GRAMD4: variants seen among roughly 807,000 people sequenced by gnomAD.
GRAMD4 encodes the protein GRAM domain-containing protein 4.
In GRAMD4, 25 loss-of-function variants were observed where a neutral mutation model predicts 83.9. That is an observed-to-expected ratio of 0.30 (90% CI 0.22 to 0.42). GRAMD4 has a LOEUF of 0.42. Among genes scored for constraint, GRAMD4 ranks in the 10% least tolerant of loss-of-function variants. The pLI is 1.00. For synonymous variants in GRAMD4, 336 were observed against 320.9 expected (o/e 1.05, Z -0.50); for missense variants, 593 against 788.7 (o/e 0.75, Z 2.97).
chr22:46,616,597 T>C (rs1439801735), upstream of GRAMD4, among the ~76,000 whole-genome samples: 8 of 133,326 alleles, frequency 6.0e-5, no homozygotes, highest in East Asian at 5.2e-4. Flanking sequence ...CAGGTTCCCC[T>C]GTGTGTAGGT....
rs936949228 is a variant in GRAMD4 at position 46,622,784 on chromosome 22, T to C, written c.-50+2219T>C. On this transcript the variant is annotated intron_variant, in intron 1 of 18. Coordinates refer to ENST00000406902, the MANE Select transcript of GRAMD4 (RefSeq NM_015124.5). This position sits in a 1 kb window ranked among gnomAD's most constrained non-coding sequence, Gnocchi z 4.0. ...AAAAATTAGCTGGTGTGGTGGCGGGTGCCTGTAGTCCCAGCTACTCGGGAG... is the reference window on the plus strand; with the variant it reads ...AAAAATTAGCTGGTGTGGTGGCGGGCGCCTGTAGTCCCAGCTACTCGGGAG... 8.6e-5 allele frequency among the ~76,000 whole-genome samples: 13 copies of C among 151,766 alleles called. No individual in the cohort carries two copies. Among genetic ancestry groups the C allele is most frequent in the East Asian group, 3.9e-4 (2 of 5,142 alleles).
In GRAMD4 at chr22:46,673,755, C is replaced by G; in HGVS notation, c.1325C>G (p.Thr442Ser). The G allele has an allele frequency of 6.2e-7, 1 of 1,613,032 alleles. No homozygotes were observed. The highest frequency in any genetic ancestry group is 8.5e-7 in the Non-Finnish European group (1 of 1,179,948). ...KEEDAGRFHS[T>S]KKGNFHEIFN... ...GAGGACGCCGGTCGCTTCCACAGCA[C>G]CAAGAAGGGCAATTTCCACGAGATC... The change falls in exon 15 of 19, where the codon ACC becomes AGC. Residue 442 changes from threonine to serine, a missense_variant. Physicochemically the swap from Thr to Ser is moderately conservative, Grantham distance 58. This residue lies in a region of GRAMD4 where 171 missense variants were observed against 199.6 expected (regional missense o/e 0.86). Transcript: ENST00000406902.
chr22:46,651,649 G>T (rs2082167981), intron 3 of GRAMD4, among the ~76,000 whole-genome samples: 1 of 152,234 alleles, frequency 6.6e-6, no homozygotes, highest in South Asian at 2.1e-4. Flanking sequence ...GAGAGCAGGT[G>T]CCCCGTGCTG....
chr22:46,589,419 AC>A (rs2081184693), intron 1 of GRAMD4, among the ~76,000 whole-genome samples: 1 of 128,348 alleles, frequency 7.8e-6, no homozygotes, highest in Non-Finnish European at 1.6e-5. Context: ...GCTGTGCCTC[AC>A]GTGGCCCGAG....
chr22:46,664,917 C>G (rs915735571), intron 8 of GRAMD4, among the ~76,000 whole-genome samples: 1 of 152,236 alleles, frequency 6.6e-6, no homozygotes, highest in East Asian at 1.9e-4. Context: ...GGCCCTGTGC[C>G]TGCTGCGGGC....
chr22:46,586,232 C>A (rs909917730), intron 1 of GRAMD4, among the ~76,000 whole-genome samples: 2 of 152,192 alleles, frequency 1.3e-5, no homozygotes, highest in Non-Finnish European at 1.5e-5. Flanking sequence ...CAGCCTCCTG[C>A]CTTCCTGCTG....
At chr22:46,654,040 C>T (rs1382097395) in intron 3 of GRAMD4, among the ~76,000 whole-genome samples, 7 of 152,198 alleles carry the variant, frequency 4.6e-5, no homozygotes, top group Non-Finnish European at 1.5e-5. Flanking sequence ...GGAGAAACAC[C>T]GGCTGACGGG....
chr22:46,605,713 TCTCTGCATGGGCC>T (rs2081357899), intron 1 of GRAMD4, among the ~76,000 whole-genome samples: 6 of 149,322 alleles, frequency 4.0e-5, no homozygotes, highest in Non-Finnish European at 9.0e-5. Context: ...GTGCTGAGCA[TCTCTGCATGGGCC>T]TATGGCCGGT....
At chr22:46,639,397 C>T (rs538042612) in intron 3 of GRAMD4, among the ~76,000 whole-genome samples, 2 of 145,996 alleles carry the variant, frequency 1.4e-5, no homozygotes, top group South Asian at 2.2e-4. Context: ...CTTGTGTGTG[C>T]GCATGTGTGC....
At chr22:46,657,347 G>A (rs919225108) in intron 3 of GRAMD4, among the ~76,000 whole-genome samples, 1 of 152,244 alleles carries the variant, frequency 6.6e-6, no homozygotes, top group African/African-American at 2.4e-5. Context: ...AGGGCCTCAG[G>A]CTTGCCCTTA....
At chr22:46,643,084 T>TATCCATCCATCCATCC (rs61391783) in intron 3 of GRAMD4, among the ~76,000 whole-genome samples, 3 of 76,324 alleles carry the variant, frequency 3.9e-5, no homozygotes, top group African/African-American at 1.3e-4. Context: ...TCTATCCATT[T>TATCCATCCATCCATCC]ATCCATCCAT....
intron 1 of GRAMD4, among the ~76,000 whole-genome samples, chr22:46,584,007 A>G (rs752704645): frequency 3.3e-5 from 5 of 152,090 alleles, no homozygotes; most frequent in African/African-American, 4.8e-5. Context: ...TTACTTATCC[A>G]TGTGGGTTCG....
intron 3 of GRAMD4, among the ~76,000 whole-genome samples, chr22:46,657,526 G>C (rs930344982): frequency 4.6e-5 from 7 of 152,224 alleles, no homozygotes; most frequent in Non-Finnish European, 8.8e-5. Flanking sequence ...CAGTCTTCCA[G>C]TCTCTCCGAC....
In GRAMD4 at chr22:46,661,299, G is replaced by A. The variant is rs574797383; in HGVS notation, c.405-82G>A. ...GACCTCTCCTGTGCAGTACACGGTC[G>A]CGAGAGCCCTCGGGGGTGCCTGACT... is the stretch of plus-strand genomic sequence containing the variant. On this transcript the variant is annotated intron_variant, in intron 4 of 18. Coordinates refer to ENST00000406902, the MANE Select transcript of GRAMD4 (RefSeq NM_015124.5). 131 of 1,035,726 alleles carry A rather than the reference G, an allele frequency of 1.3e-4. No individual in the cohort carries two copies. In the East Asian group the frequency reaches 3.0e-3, roughly 23 times the overall value. The allele number at this position is 1,035,726 out of a possible 1,614,324, so 64.2% of individuals were successfully genotyped here.
At position 46,677,522 on chromosome 22, in the gene GRAMD4, G is replaced by C; in HGVS notation, c.*271G>C. ...CTGGGGGAGGGGGCAGAGGCCCTCG[G>C]GGGCCCGTGGAGAAGACACACAGGA... On this transcript the variant is annotated 3_prime_UTR_variant, in exon 19 of 19. Coordinates refer to ENST00000406902, the MANE Select transcript of GRAMD4 (RefSeq NM_015124.5). 1 of 1,213,196 alleles carries C rather than the reference G, an allele frequency of 8.2e-7. No homozygotes were observed. The highest frequency in any genetic ancestry group is 1.0e-6 in the Non-Finnish European group (1 of 969,322). 75.2% of individuals were successfully genotyped at this position (1,213,196 alleles called of 1,614,324 possible). A position where few individuals can be genotyped will look rare whatever the true frequency, so the allele number is the denominator to read the frequency against.
chr22:46,677,973 G>T lies in GRAMD4; in HGVS notation c.*722G>T, dbSNP rs1399240141. The T allele has an allele frequency of 2.0e-6, 2 of 985,390 alleles. No homozygotes were observed. The highest frequency in any genetic ancestry group is 2.4e-6 in the Non-Finnish European group (2 of 829,806). The allele number at this position is 985,390 out of a possible 1,614,324, so 61.0% of individuals were successfully genotyped here. A position where few individuals can be genotyped will look rare whatever the true frequency, so the allele number is the denominator to read the frequency against. On this transcript the variant is annotated 3_prime_UTR_variant, in exon 19 of 19. Coordinates refer to ENST00000406902, the MANE Select transcript of GRAMD4 (RefSeq NM_015124.5). ...AGGGCGCTCAGCACCGCGTCTGTAA[G>T]GGCCTGCCTGCTGCTCTCGGCCTGA...
intron 2 of GRAMD4, among the ~76,000 whole-genome samples, chr22:46,636,056 G>C (rs1422778088): frequency 6.6e-6 from 1 of 151,880 alleles, no homozygotes; most frequent in Non-Finnish European, 1.5e-5. Context: ...AGCCCCCGGG[G>C]TCTGTCCTGG....
At chr22:46,643,168 C>CGTGG (rs2082009671) in intron 3 of GRAMD4, among the ~76,000 whole-genome samples, 1 of 150,872 alleles carries the variant, frequency 6.6e-6, no homozygotes, top group Admixed American at 6.6e-5. Flanking sequence ...TCCATCCATC[C>CGTGG]ATCCATCCAT....
chr22:46,583,337 A>G (rs2081116301), intron 1 of GRAMD4, among the ~76,000 whole-genome samples: 1 of 152,256 alleles, frequency 6.6e-6, no homozygotes, highest in Non-Finnish European at 1.5e-5. Flanking sequence ...AACATCTTAC[A>G]TTAGTATGAT....
Sources: gnomAD v4.1 joint callset for allele counts (sites outside exome capture counted in the v4.1 genomes callset) on GRCh38, gnomAD v4.1.1 for gene constraint, gnomAD v4.1.1 regional missense constraint, Gnocchi (gnomAD v3.1) non-coding constraint, MANE v1.5 for transcripts, NCBI Gene and HGNC (gene_info 2026-07-23, HGNC 2026-07-21) for gene names.